Variants in PDE7B observed in about 807,000 individuals in gnomAD.
The protein encoded by PDE7B is phosphodiesterase 7B.
Under a neutral mutation model 56.2 loss-of-function variants are expected in PDE7B, and 29 were observed. That is an observed-to-expected ratio of 0.52 (90% confidence interval 0.38 to 0.70). The LOEUF (loss-of-function observed/expected upper bound fraction) is 0.70. Among genes scored for constraint, PDE7B ranks in the 30% least tolerant of loss-of-function variants. PDE7B has a pLI of 0.00. For synonymous variants in PDE7B, 197 were observed against 196.9 expected (o/e 1.00, Z 0.00); for missense variants, 490 against 565.0 (o/e 0.87, Z 1.35).
At chr6:136,000,585 C>G (rs1352249186) in intron 2 of PDE7B, among the ~76,000 whole-genome samples, 1 of 152,124 alleles carries the variant, frequency 6.6e-6, no homozygotes, top group Admixed American at 6.5e-5. Context: ...TCTGGGCTTT[C>G]TATTTTGTTC....
intron 1 of PDE7B, among the ~76,000 whole-genome samples, chr6:135,934,617 C>A (rs925025810): frequency 5.2e-4 from 77 of 148,736 alleles, no homozygotes; most frequent in African/African-American, 1.8e-3. Flanking sequence ...GTAATACCAG[C>A]TACTTGGGAG....
intron 1 of PDE7B, among the ~76,000 whole-genome samples, chr6:135,893,035 C>A (rs1775836066): frequency 6.6e-6 from 1 of 152,078 alleles, no homozygotes; most frequent in Non-Finnish European, 1.5e-5. Context: ...TTTTAGATTT[C>A]TACCAAATTG....
intron 3 of PDE7B, among the ~76,000 whole-genome samples, chr6:136,115,214 A>T (rs973881383): frequency 6.6e-6 from 1 of 152,190 alleles, no homozygotes; most frequent in African/African-American, 2.4e-5. Flanking sequence ...CTGTATAATA[A>T]CAGCATACAT....
chr6:135,976,236 C>T (rs1279274827), intron 2 of PDE7B, among the ~76,000 whole-genome samples: 4 of 152,124 alleles, frequency 2.6e-5, no homozygotes, highest in South Asian at 2.1e-4. Flanking sequence ...TGAACTTTTA[C>T]ACTCTATTCC....
chr6:136,098,835 T>C (rs1777514157), intron 2 of PDE7B, among the ~76,000 whole-genome samples: 1 of 152,172 alleles, frequency 6.6e-6, no homozygotes, highest in South Asian at 2.1e-4. Flanking sequence ...TGCAGGTTTG[T>C]TACATAGTTA....
At chr6:135,914,124 C>T (rs980971532) in intron 1 of PDE7B, among the ~76,000 whole-genome samples, 1 of 152,174 alleles carries the variant, frequency 6.6e-6, no homozygotes, top group Non-Finnish European at 1.5e-5. Flanking sequence ...CTCAACCTTC[C>T]ACAGGCATGT....
At chr6:136,182,982 G>A (rs529715668) in intron 11 of PDE7B, among the ~76,000 whole-genome samples, 1 of 147,066 alleles carries the variant, frequency 6.8e-6, no homozygotes, top group African/African-American at 2.5e-5. Context: ...TGAAGCAAAA[G>A]AATTGCTTGA....
intron 2 of PDE7B, among the ~76,000 whole-genome samples, chr6:135,952,600 T>C (rs747835301): frequency 1.3e-5 from 2 of 152,102 alleles, no homozygotes; most frequent in South Asian, 2.1e-4. Context: ...TAAACTACAC[T>C]GGACTTCAAA....
At chr6:136,099,767 C>A (rs1398969573) in intron 2 of PDE7B, among the ~76,000 whole-genome samples, 2 of 152,144 alleles carry the variant, frequency 1.3e-5, no homozygotes, top group African/African-American at 4.8e-5. Flanking sequence ...TGCAGAAGCT[C>A]TTTAGTTTAA....
At chr6:136,165,576 C>A (rs950629462) in intron 8 of PDE7B, 2 of 152,150 alleles carry the variant, frequency 1.3e-5, no homozygotes, top group African/African-American at 4.8e-5. Context: ...ACATTAGAGA[C>A]CCAGGATTCT....
intron 3 of PDE7B, among the ~76,000 whole-genome samples, chr6:136,119,969 C>T (rs1777903242): frequency 6.6e-6 from 1 of 152,190 alleles, no homozygotes; most frequent in Non-Finnish European, 1.5e-5. Flanking sequence ...GCAGTTGCTA[C>T]AGGACTTTGA....
intron 8 of PDE7B, among the ~76,000 whole-genome samples, chr6:136,163,160 G>C (rs1479558558): frequency 6.6e-6 from 1 of 152,226 alleles, no homozygotes; most frequent in Non-Finnish European, 1.5e-5. Flanking sequence ...CACTGCCCTA[G>C]CAGAGGTTTT....
intron 1 of PDE7B, among the ~76,000 whole-genome samples, chr6:135,891,260 A>G (rs1275578598): frequency 6.6e-6 from 1 of 152,252 alleles, no homozygotes; most frequent in East Asian, 1.9e-4. Context: ...ATGAGAACCC[A>G]AAGAGTAACA....
chr6:135,924,603 A>ATCTC (rs200131211), intron 1 of PDE7B, among the ~76,000 whole-genome samples: 6 of 125,286 alleles, frequency 4.8e-5, no homozygotes, highest in East Asian at 5.8e-4. Context: ...GAGTAGTGGA[A>ATCTC]TCTCTCTCTC....
chr6:135,967,261 C>T (rs1775010929), intron 2 of PDE7B, among the ~76,000 whole-genome samples: 1 of 152,146 alleles, frequency 6.6e-6, no homozygotes, highest in Non-Finnish European at 1.5e-5. Flanking sequence ...ATCCTTCAAA[C>T]ATGTCCAACA....
At chr6:136,152,917 T>C (rs1304735015) in intron 6 of PDE7B, among the ~76,000 whole-genome samples, 1 of 152,210 alleles carries the variant, frequency 6.6e-6, no homozygotes, top group Non-Finnish European at 1.5e-5. Context: ...TCAGAGCTAT[T>C]GCTATCCCCA....
At chr6:135,941,748 C>T (rs1319432011) in intron 1 of PDE7B, among the ~76,000 whole-genome samples, 1 of 152,206 alleles carries the variant, frequency 6.6e-6, no homozygotes, top group East Asian at 1.9e-4. Flanking sequence ...ACATTACCTA[C>T]TTGCAGAAAA....
chr6:136,166,614 A>C (rs774867966), intron 8 of PDE7B, among the ~76,000 whole-genome samples: 9 of 152,114 alleles, frequency 5.9e-5, no homozygotes, highest in Non-Finnish European at 1.2e-4. Context: ...AGATCTCATA[A>C]GAACTCACTA....
In PDE7B at chr6:136,085,084, C is replaced by T. The variant is rs531319086; in HGVS notation, c.83-23647C>T. 3.3e-5 allele frequency among the ~76,000 whole-genome samples: 5 copies of T among 152,158 alleles called. No individual in the cohort carries two copies. In the South Asian group the frequency reaches 6.2e-4, roughly 19 times the overall value. ...TGGAGCAGGCACACTCTGGGATGAACGTTCCAGGGTTTTTCCCATCCTAGT... is the reference window on the plus strand; with the variant it reads ...TGGAGCAGGCACACTCTGGGATGAATGTTCCAGGGTTTTTCCCATCCTAGT... On this transcript the variant is annotated intron_variant, in intron 2 of 12. Coordinates refer to ENST00000308191, the MANE Select transcript of PDE7B (RefSeq NM_018945.4).
Sources: allele counts gnomAD v4.1 joint callset (sites outside exome capture counted in the v4.1 genomes callset), GRCh38; gene constraint gnomAD v4.1.1; transcripts MANE v1.5; gene names NCBI Gene and HGNC (gene_info 2026-07-23, HGNC 2026-07-21).